Variants in CIT observed in about 807,000 individuals in gnomAD.
The protein encoded by CIT is citron Rho-interacting kinase.
In CIT, 79 loss-of-function variants were observed where a neutral mutation model predicts 272.7. That is an observed-to-expected ratio of 0.29 (90% confidence interval 0.24 to 0.35). CIT has a LOEUF of 0.35. Among genes scored for constraint, CIT ranks in the 10% least tolerant of loss-of-function variants. The pLI is 1.00. For synonymous variants in CIT, 948 were observed against 995.6 expected (o/e 0.95, Z 0.90); for missense variants, 1,909 against 2,618.3 (o/e 0.73, Z 5.91).
At chr12:119,831,862 T>G (rs1968664959) in intron 7 of CIT, among the ~76,000 whole-genome samples, 1 of 151,874 alleles carries the variant, frequency 6.6e-6, no homozygotes, top group Non-Finnish European at 1.5e-5. Flanking sequence ...AGAGCGAGAC[T>G]CCGTCTCAAA....
At position 119,730,551 on chromosome 12, in the gene CIT, C is replaced by T. The variant is rs146605071; in HGVS notation, c.3430G>A (p.Ala1144Thr). The T allele has an allele frequency of 2.5e-5, 40 of 1,613,996 alleles. No individual in the cohort carries two copies. In the African/African-American group the frequency reaches 2.5e-4, roughly 10 times the overall value. The change falls in exon 27 of 48, where the codon GCT becomes ACT. Residue 1144 changes from alanine (A) to threonine (T), a missense_variant. Around this residue, in one of 8 missense-constraint regions of CIT, gnomAD observed 530 missense variants for 822.4 expected, o/e 0.64. Transcript: ENST00000392521. Reference protein sequence around the residue: ...AVKEHKAEILALQQALKEQKL... With the variant: ...AVKEHKAEILTLQQALKEQKL... ...TGCTCTTTGAGAGCCTGCTGCAGAG[C>T]GAGAATCTCAGCCTTGTGCTCCTTC...
At chr12:119,792,617 G>A (rs995567506) in intron 10 of CIT, among the ~76,000 whole-genome samples, 2 of 151,938 alleles carry the variant, frequency 1.3e-5, no homozygotes, top group African/African-American at 2.4e-5. Flanking sequence ...CTACAGGCAC[G>A]CGCCACTGTA....
chr12:119,861,264 A>G (rs895866076), intron 3 of CIT, among the ~76,000 whole-genome samples: 2 of 152,058 alleles, frequency 1.3e-5, no homozygotes, highest in Non-Finnish European at 2.9e-5. Flanking sequence ...GTACTGAGGT[A>G]GAGATAAGGA....
intron 3 of CIT, among the ~76,000 whole-genome samples, chr12:119,860,978 G>A (rs1247617119): frequency 6.6e-6 from 1 of 151,616 alleles, no homozygotes; most frequent in East Asian, 2.0e-4. Context: ...AAAATTAGCT[G>A]GGTATGGTGA....
intron 2 of CIT, among the ~76,000 whole-genome samples, chr12:119,871,345 G>GA (rs1950671922): frequency 1.3e-5 from 2 of 152,036 alleles, no homozygotes; most frequent in Admixed American, 6.6e-5. Flanking sequence ...AGAATCCTAA[G>GA]AAAAAATAAA....
intron 9 of CIT, among the ~76,000 whole-genome samples, chr12:119,805,538 C>T (rs2137899688): frequency 6.6e-6 from 1 of 152,306 alleles, no homozygotes; most frequent in South Asian, 2.1e-4. Flanking sequence ...GTTCATCTTT[C>T]CTGCACAGGG....
chr12:119,845,250 A>C (rs1042204145), intron 5 of CIT, among the ~76,000 whole-genome samples: 2 of 152,190 alleles, frequency 1.3e-5, no homozygotes, highest in Admixed American at 1.3e-4. Context: ...AGCCTCCTAC[A>C]TCTGGGAGCC....
intron 10 of CIT, among the ~76,000 whole-genome samples, chr12:119,787,882 T>G (rs903038333): frequency 6.6e-6 from 1 of 152,170 alleles, no homozygotes; most frequent in African/African-American, 2.4e-5. Context: ...CTTGGAAGGA[T>G]TAAATGAAAT....
intron 5 of CIT, among the ~76,000 whole-genome samples, chr12:119,843,462 C>T (rs1969546712): frequency 6.6e-6 from 1 of 151,994 alleles, no homozygotes. Context: ...GAAGAGACAG[C>T]CAGGAGGGAT....
intron 47 of CIT, 145 bp from the exon 48 acceptor site, chr12:119,688,400 C>T: frequency 1.3e-6 from 1 of 780,314 alleles, no homozygotes; most frequent in Admixed American, 2.3e-5. Context: ...AGCACCCGCT[C>T]CAGAGCCTGG....
At chr12:119,806,152 A>C (rs959419820) in intron 9 of CIT, among the ~76,000 whole-genome samples, 15 of 151,462 alleles carry the variant, frequency 9.9e-5, no homozygotes, top group Non-Finnish European at 4.4e-5. Flanking sequence ...AAAAAAAAAA[A>C]AAAAAAAAAG....
intron 9 of CIT, among the ~76,000 whole-genome samples, chr12:119,821,784 T>G (rs1244939711): frequency 6.6e-6 from 1 of 152,192 alleles, no homozygotes; most frequent in East Asian, 1.9e-4. Context: ...CCTTGGAGAT[T>G]TGGGGGGAGA....
intron 23 of CIT, among the ~76,000 whole-genome samples, chr12:119,744,909 C>A (rs1959190715): frequency 6.6e-6 from 1 of 151,146 alleles, no homozygotes; most frequent in African/African-American, 2.4e-5. Context: ...AAGTAGAAAC[C>A]AAAATGAAAC....
intron 5 of CIT, among the ~76,000 whole-genome samples, chr12:119,847,017 C>T (rs1384503463): frequency 2.0e-5 from 3 of 151,238 alleles, no homozygotes; most frequent in Non-Finnish European, 4.4e-5. Context: ...CGGAGCCTCG[C>T]TCTGTCACCC....
intron 41 of CIT, among the ~76,000 whole-genome samples, chr12:119,703,651 C>T (rs1956714525): frequency 6.6e-6 from 1 of 152,168 alleles, no homozygotes; most frequent in South Asian, 2.1e-4. Context: ...GTCTCAAACT[C>T]CTGACCTCAA....
intron 4 of CIT, among the ~76,000 whole-genome samples, chr12:119,855,605 T>C (rs548950775): frequency 6.6e-6 from 1 of 152,190 alleles, no homozygotes; most frequent in Non-Finnish European, 1.5e-5. Flanking sequence ...GCTTCTCTCA[T>C]GCCCTTAAAT....
At chr12:119,733,473 G>A (rs1958581503) in intron 26 of CIT, among the ~76,000 whole-genome samples, 1 of 150,976 alleles carries the variant, frequency 6.6e-6, no homozygotes, top group Non-Finnish European at 1.5e-5. Context: ...GGTGGAGGTT[G>A]CAGTGAACTG....
intron 26 of CIT, 80 bp downstream of exon 26, chr12:119,734,084 C>T: frequency 1.4e-6 from 2 of 1,436,164 alleles, no homozygotes; most frequent in African/African-American, 1.4e-5. Flanking sequence ...GCGGGAATAG[C>T]TGATCACCCT....
chr12:119,733,688 A>G (rs1017042939), intron 26 of CIT, among the ~76,000 whole-genome samples: 16 of 152,130 alleles, frequency 1.1e-4, no homozygotes, highest in African/African-American at 3.9e-4. Context: ...TCTAGTGAGT[A>G]GAGACTAGGG....
Sources: allele counts gnomAD v4.1 joint callset (sites outside exome capture counted in the v4.1 genomes callset), GRCh38; gene constraint gnomAD v4.1.1; regional missense constraint gnomAD v4.1.1; transcripts MANE v1.5; gene names NCBI Gene and HGNC (gene_info 2026-07-23, HGNC 2026-07-21).